GPM6A: variants seen among roughly 807,000 people sequenced by gnomAD.
The protein encoded by GPM6A is glycoprotein M6A.
A neutral mutation model predicts 32.1 loss-of-function variants in GPM6A; 7 were observed. The ratio of observed to expected loss-of-function variants is 0.22; its 90% CI spans 0.12 to 0.41. The LOEUF (loss-of-function observed/expected upper bound fraction) is 0.41. GPM6A is among the 10% of genes least tolerant of loss of function. The pLI, the probability that GPM6A is intolerant of heterozygous loss-of-function variation, is 1.00. For missense variants in GPM6A, 235 were observed against 347.2 expected (o/e 0.68, Z 2.57); for synonymous variants, 130 against 123.4 (o/e 1.05, Z -0.35).
At chr4:175,672,331 TG>T (rs1743127827) in intron 3 of GPM6A, among the ~76,000 whole-genome samples, 1 of 152,170 alleles carries the variant, frequency 6.6e-6, no homozygotes, top group Non-Finnish European at 1.5e-5. Flanking sequence ...ATTTTGTAAA[TG>T]AGGAAACTGT....
chr4:175,767,004 G>A (rs982897333), intron 1 of GPM6A, among the ~76,000 whole-genome samples: 2 of 151,854 alleles, frequency 1.3e-5, no homozygotes, highest in South Asian at 2.1e-4. Context: ...AAACTTTTTC[G>A]GCAGTTAATG....
At chr4:175,762,286 A>T (rs1732779270) in intron 1 of GPM6A, among the ~76,000 whole-genome samples, 2 of 152,214 alleles carry the variant, frequency 1.3e-5, no homozygotes, top group African/African-American at 4.8e-5. Flanking sequence ...AAAGAAATTC[A>T]GCCAAGAACA....
At chr4:175,637,673 T>TAG (rs1560842703) in intron 6 of GPM6A, among the ~76,000 whole-genome samples, 1 of 4,296 alleles carries the variant, frequency 2.3e-4, no homozygotes, top group Non-Finnish European at 2.0e-3. Flanking sequence ...ATAATATATA[T>TAG]AATATATATA....
intron 3 of GPM6A, among the ~76,000 whole-genome samples, chr4:175,665,824 C>T (rs1299861876): frequency 6.6e-6 from 1 of 151,238 alleles, no homozygotes. Context: ...ACATTTTTTC[C>T]AGCAAATATT....
At chr4:175,766,918 G>A (rs1732994335) in intron 1 of GPM6A, among the ~76,000 whole-genome samples, 1 of 152,024 alleles carries the variant, frequency 6.6e-6, no homozygotes, top group Non-Finnish European at 1.5e-5. Context: ...GCCTCCTAAA[G>A]TGCTGGGTTT....
At chr4:175,992,067 C>CACACACAT (rs1311279405) in intron 1 of GPM6A, among the ~76,000 whole-genome samples, 3 of 151,476 alleles carry the variant, frequency 2.0e-5, no homozygotes, top group African/African-American at 7.3e-5. Flanking sequence ...CATGCACACA[C>CACACACAT]ACACACACAC....
rs948825503 is a variant in GPM6A, at chr4:175,764,718, T to G, written c.37+47473A>C. 7.2e-5 allele frequency among the ~76,000 whole-genome samples: 11 copies of G among 152,176 alleles called. 1 individual carries two copies. The South Asian group carries it at 1.5e-3, about 20-fold the overall frequency. On this transcript the variant is annotated intron_variant, in intron 1 of 6. Coordinates refer to ENST00000393658, the MANE Select transcript of GPM6A (RefSeq NM_201591.3). ...ATAGCCAACTACCTCCTTGACATATTGATTGGGATATCTGGTATACATCTC... is the reference window on the plus strand; with the variant it reads ...ATAGCCAACTACCTCCTTGACATATGGATTGGGATATCTGGTATACATCTC...
chr4:175,942,349 T>G (rs919537495), intron 1 of GPM6A, among the ~76,000 whole-genome samples: 4 of 152,250 alleles, frequency 2.6e-5, no homozygotes, highest in Admixed American at 2.6e-4. Context: ...TGATGATAGT[T>G]TCTTTTGCTG....
At chr4:175,875,661 T>C (rs185990751) in intron 1 of GPM6A, among the ~76,000 whole-genome samples, 1 of 152,166 alleles carries the variant, frequency 6.6e-6, no homozygotes. Context: ...ATCTCATCCC[T>C]ACAAATACCA....
chr4:175,832,771 T>C (rs1012635315), intron 1 of GPM6A, among the ~76,000 whole-genome samples: 1 of 152,224 alleles, frequency 6.6e-6, no homozygotes, highest in African/African-American at 2.4e-5. Flanking sequence ...TTGAAGGCTC[T>C]TTTAATGCAA....
Position 175,673,724 on chromosome 4 carries a change from C to T in GPM6A, c.343G>A (p.Gly115Arg), listed in dbSNP as rs751198889. ...FTTGAIKDLY[G>R]DFKITTCGRC... ...CCACAAGTGGTGATTTTGAAATCCC[C>T]ATAGAGATCTTTGATGGCCCCAGTT... Residue 115 changes from glycine (G) to arginine (R), a missense_variant, in exon 3 of 7, where the codon GGG becomes AGG. Physicochemically the swap from Gly to Arg is moderately radical, Grantham distance 125. Around this residue, in one of 3 missense-constraint regions of GPM6A, gnomAD observed 101 missense variants for 171.2 expected, o/e 0.59. Coordinates refer to ENST00000393658, the MANE Select transcript of GPM6A (RefSeq NM_201591.3). 6.2e-7 allele frequency: 1 copy of T among 1,612,508 alleles called. No homozygotes were observed. The highest frequency in any genetic ancestry group is 8.5e-7 in the Non-Finnish European group (1 of 1,178,830).
At chr4:175,816,133 G>A (rs1390711504), upstream of GPM6A, among the ~76,000 whole-genome samples, 1 of 152,242 alleles carries the variant, frequency 6.6e-6, no homozygotes, top group African/African-American at 2.4e-5. Context: ...TGAGGCTGCA[G>A]TGAGCTATGC....
chr4:175,981,705 T>C (rs1740820306), intron 1 of GPM6A, among the ~76,000 whole-genome samples: 1 of 152,170 alleles, frequency 6.6e-6, no homozygotes, highest in Non-Finnish European at 1.5e-5. Flanking sequence ...TAACAGATTT[T>C]TGAGTCAACA....
rs144438099 is a variant in GPM6A, at chr4:175,779,556, T to C, written c.37+32635A>G. Among the ~76,000 whole-genome samples, 460 of 152,276 alleles carry C rather than the reference T, an allele frequency of 3.0e-3. 2 individuals are homozygous for C. The highest frequency in any genetic ancestry group is 9.6e-3 in the African/African-American group (401 of 41,566). Reference sequence around the variant, plus strand: ...CTTGGTACTGTTCTACCACAGCTTTTCAGGTCTCATGGCTCTCAAGAATAT... The same window carrying C: ...CTTGGTACTGTTCTACCACAGCTTTCCAGGTCTCATGGCTCTCAAGAATAT... On this transcript the variant is annotated intron_variant, in intron 1 of 6. Transcript: ENST00000393658.
At chr4:175,787,130 C>T (rs1733834866) in intron 1 of GPM6A, among the ~76,000 whole-genome samples, 1 of 151,950 alleles carries the variant, frequency 6.6e-6, no homozygotes, top group South Asian at 2.1e-4. Context: ...ACCCTTGATA[C>T]ATATGACTGT....
chr4:175,739,215 T>A (rs909656181), intron 1 of GPM6A, among the ~76,000 whole-genome samples: 1 of 152,218 alleles, frequency 6.6e-6, no homozygotes, highest in Non-Finnish European at 1.5e-5. Context: ...TGTTTGTTAT[T>A]CTATTTACCC....
chr4:175,919,327 A>C (rs2111522713), intron 1 of GPM6A, among the ~76,000 whole-genome samples: 1 of 152,350 alleles, frequency 6.6e-6, no homozygotes, highest in African/African-American at 2.4e-5. Context: ...TCACTCCACC[A>C]TAACCTGCTT....
At chr4:175,871,018 A>G (rs1187470048) in intron 1 of GPM6A, among the ~76,000 whole-genome samples, 1 of 152,072 alleles carries the variant, frequency 6.6e-6, no homozygotes, top group East Asian at 1.9e-4. Flanking sequence ...GGGCATCTTT[A>G]GAACCATTCA....
chr4:175,802,463 C>A (rs968710490), intron 1 of GPM6A, among the ~76,000 whole-genome samples: 1 of 151,956 alleles, frequency 6.6e-6, no homozygotes, highest in South Asian at 2.1e-4. Flanking sequence ...AAAATATAAG[C>A]CAATTGTGTG....
Sources: allele counts gnomAD v4.1 joint callset (sites outside exome capture counted in the v4.1 genomes callset), GRCh38; gene constraint gnomAD v4.1.1; regional missense constraint gnomAD v4.1.1; transcripts MANE v1.5; gene names NCBI Gene and HGNC (gene_info 2026-07-23, HGNC 2026-07-21).